Variants in ADGRL3 observed in about 807,000 individuals in gnomAD.
ADGRL3 encodes the protein adhesion G protein-coupled receptor L3.
Under a neutral mutation model 153.5 loss-of-function variants are expected in ADGRL3, and 62 were observed. The ratio of observed to expected loss-of-function variants is 0.40; its 90% CI spans 0.33 to 0.50. The LOEUF is 0.50. Among genes scored for constraint, ADGRL3 ranks in the 20% least tolerant of loss-of-function variants. The pLI is 0.47. For synonymous variants in ADGRL3, 710 were observed against 672.5 expected, an observed-to-expected ratio of 1.06 and a Z score of -0.86; for missense variants, 1,641 against 1,859.4, an observed-to-expected ratio of 0.88 and a Z score of 2.16.
chr4:61,205,877 C>T (rs1736911706), intron 1 of ADGRL3, among the ~76,000 whole-genome samples: 1 of 152,004 alleles, frequency 6.6e-6, no homozygotes, highest in Non-Finnish European at 1.5e-5. Flanking sequence ...CAAGTTTTTC[C>T]CCAAATCTTG....
chr4:61,894,882 C>A (rs2098617423), intron 10 of ADGRL3, among the ~76,000 whole-genome samples: 1 of 152,120 alleles, frequency 6.6e-6, no homozygotes, highest in Non-Finnish European at 1.5e-5. Context: ...TTTTAATATT[C>A]TCATTGATTT....
chr4:61,430,335 C>T (rs920440717), intron 2 of ADGRL3, among the ~76,000 whole-genome samples: 2 of 152,102 alleles, frequency 1.3e-5, no homozygotes, highest in African/African-American at 4.8e-5. Flanking sequence ...CAGAAGGACA[C>T]ATTGATTCAA....
At chr4:62,013,346 T>C (rs957771122) in intron 21 of ADGRL3, among the ~76,000 whole-genome samples, 2 of 151,450 alleles carry the variant, frequency 1.3e-5, no homozygotes, top group Non-Finnish European at 2.9e-5. Flanking sequence ...ACCAACATGG[T>C]CTCACCAACA....
chr4:61,466,659 T>A (rs1482892278), intron 2 of ADGRL3, among the ~76,000 whole-genome samples: 1 of 152,320 alleles, frequency 6.6e-6, no homozygotes, highest in East Asian at 1.9e-4. Flanking sequence ...TTTTAAGACG[T>A]ACCATGTATG....
intron 8 of ADGRL3, among the ~76,000 whole-genome samples, chr4:61,744,892 A>G (rs1272706814): frequency 6.6e-6 from 1 of 152,202 alleles, no homozygotes; most frequent in Admixed American, 6.5e-5. Context: ...TGAGAGAAGA[A>G]GCCTTCAGAC....
chr4:61,456,393 ATATCTATATC>A (rs2097743821), intron 2 of ADGRL3, among the ~76,000 whole-genome samples: 1 of 111,192 alleles, frequency 9.0e-6, no homozygotes, highest in South Asian at 3.1e-4. Context: ...ATATATAGAT[ATATCTATATC>A]TATATATATA....
chr4:61,828,408 A>C (rs1166316385), intron 9 of ADGRL3, among the ~76,000 whole-genome samples: 1 of 152,176 alleles, frequency 6.6e-6, no homozygotes, highest in Non-Finnish European at 1.5e-5. Context: ...AAATTAAAAA[A>C]AGCGCAGGGT....
intron 2 of ADGRL3, among the ~76,000 whole-genome samples, chr4:61,479,212 TAA>T (rs1267509589): frequency 1.3e-5 from 2 of 152,060 alleles, no homozygotes; most frequent in Admixed American, 6.5e-5. Flanking sequence ...AACCAGAATC[TAA>T]GTTTTCCTTA....
At chr4:61,936,629 G>A (rs889088317) in intron 15 of ADGRL3, among the ~76,000 whole-genome samples, 1 of 151,800 alleles carries the variant, frequency 6.6e-6, no homozygotes, top group Non-Finnish European at 1.5e-5. Context: ...ATTAAAAAAT[G>A]TTTAAACGTA....
chr4:61,441,337 A>C (rs991896699), intron 2 of ADGRL3, among the ~76,000 whole-genome samples: 1 of 152,176 alleles, frequency 6.6e-6, no homozygotes, highest in Admixed American at 6.5e-5. Context: ...CATAAAAATA[A>C]TTATAGAGGC....
intron 26 of ADGRL3, among the ~76,000 whole-genome samples, chr4:62,068,886 T>A (rs1744418100): frequency 6.6e-6 from 1 of 152,168 alleles, no homozygotes; most frequent in Non-Finnish European, 1.5e-5. Flanking sequence ...AATCACGTAA[T>A]TTAAACTAGT....
chr4:61,478,869 T>C (rs999075072), intron 2 of ADGRL3, among the ~76,000 whole-genome samples: 9 of 152,026 alleles, frequency 5.9e-5, no homozygotes, highest in Admixed American at 2.0e-4. Flanking sequence ...AAAACACAAA[T>C]TTTATTTCAG....
At chr4:61,538,411 T>C (rs970569648) in intron 4 of ADGRL3, among the ~76,000 whole-genome samples, 10 of 152,256 alleles carry the variant, frequency 6.6e-5, no homozygotes, top group African/African-American at 2.2e-4. Context: ...TATGCCCTTC[T>C]GATAGCAGGA....
intron 5 of ADGRL3, among the ~76,000 whole-genome samples, chr4:61,624,062 AGGTCTTACT>A (rs2092691208): frequency 6.6e-6 from 1 of 152,192 alleles, no homozygotes; most frequent in South Asian, 2.1e-4. Flanking sequence ...AGATCATGCA[AGGTCTTACT>A]GGCTGCATGA....
At position 61,642,412 on chromosome 4, in the gene ADGRL3, T is replaced by C. The variant is rs1199582375; in HGVS notation, c.474-34414T>C. On this transcript the variant is annotated intron_variant, in intron 5 of 26. Coordinates refer to ENST00000683033, the MANE Select transcript of ADGRL3 (RefSeq NM_001387552.1). The stretch of plus-strand genomic sequence containing the variant: ...CCTAGGTTTTCTTCTAGGGTTTTTA[T>C]GGTTTTAGGTCCAAGGTTTAAGTCT... Among the ~76,000 whole-genome samples, 9 of 152,358 alleles carry C rather than the reference T, an allele frequency of 5.9e-5. No individual in the cohort carries two copies. The East Asian group carries it at 1.7e-3, about 29-fold the overall frequency.
At chr4:61,753,299 C>T (rs74598776) in intron 8 of ADGRL3, among the ~76,000 whole-genome samples, 13,126 of 151,062 alleles carry the variant, frequency 0.087, 1,191 homozygotes, top group African/African-American at 0.23. Context: ...GTTTTTGATT[C>T]CAGAAGGCAG....
chr4:61,446,185 G>T (rs1173592533), intron 2 of ADGRL3, among the ~76,000 whole-genome samples: 2 of 152,078 alleles, frequency 1.3e-5, no homozygotes, highest in Admixed American at 6.6e-5. Flanking sequence ...TCTCTCACTT[G>T]CTCTCCTTCT....
chr4:61,671,023 G>A (rs1331345924), intron 5 of ADGRL3, among the ~76,000 whole-genome samples: 1 of 152,188 alleles, frequency 6.6e-6, no homozygotes, highest in Non-Finnish European at 1.5e-5. Context: ...CATAACAGGG[G>A]TGGTACAGGT....
At chr4:61,208,494 T>C (rs1418532325) in intron 1 of ADGRL3, among the ~76,000 whole-genome samples, 2 of 152,152 alleles carry the variant, frequency 1.3e-5, no homozygotes, top group African/African-American at 2.4e-5. Context: ...TAGGAAACTT[T>C]AATCAATTCC....
Sources: gnomAD v4.1 joint callset for allele counts (sites outside exome capture counted in the v4.1 genomes callset) on GRCh38, gnomAD v4.1.1 for gene constraint, MANE v1.5 for transcripts, NCBI Gene and HGNC (gene_info 2026-07-23, HGNC 2026-07-21) for gene names.